IL1RAPL1: variants seen among roughly 807,000 people sequenced by gnomAD.
The protein encoded by IL1RAPL1 is interleukin-1 receptor accessory protein-like 1.
IL1RAPL1 carries 3 observed loss-of-function variants against 48.4 expected under a neutral mutation model. The ratio of observed to expected loss-of-function variants is 0.06; its 90% CI spans 0.03 to 0.16. The LOEUF (loss-of-function observed/expected upper bound fraction) is 0.16. Ranked by LOEUF, IL1RAPL1 falls within the 10% of genes least tolerant of loss-of-function variation. The pLI is 1.00. For synonymous variants in IL1RAPL1, 185 were observed against 187.7 expected, an observed-to-expected ratio of 0.99 and a Z score of 0.12; for missense variants, 349 against 530.6, an observed-to-expected ratio of 0.66 and a Z score of 3.36.
At chrX:29,686,683 G>A (rs913099280) in intron 6 of IL1RAPL1, among the ~76,000 whole-genome samples, 2 of 108,732 alleles carry the variant, frequency 1.8e-5, no homozygotes, top group African/African-American at 3.3e-5. Context: ...TCAGCCTCCC[G>A]AGTAGCTGGG....
Position 29,233,824 on chromosome X carries a change from A to G in IL1RAPL1, c.83-49114A>G, listed in dbSNP as rs368296509. 7.4e-4 allele frequency among the ~76,000 whole-genome samples: 83 copies of G among 112,713 alleles called. 1 individual carries two copies. The South Asian group carries it at 0.029, about 39-fold the overall frequency. On this transcript the variant is annotated intron_variant, in intron 2 of 10. Transcript: ENST00000378993. ...CTGACTTTATCAGGTGAAAGCCCCTAAACTAGGAACTGGGCTCTTCCTGAA... is the reference window on the plus strand; with the variant it reads ...CTGACTTTATCAGGTGAAAGCCCCTGAACTAGGAACTGGGCTCTTCCTGAA...
intron 9 of IL1RAPL1, among the ~76,000 whole-genome samples, chrX:29,954,232 T>TC (rs1254534606): frequency 4.4e-4 from 16 of 36,575 alleles, no homozygotes; most frequent in African/African-American, 5.8e-4. Context: ...CAAGACTGTG[T>TC]CCCAAAAAAA....
intron 3 of IL1RAPL1, among the ~76,000 whole-genome samples, chrX:29,321,557 T>C (rs1189965386): frequency 8.9e-6 from 1 of 112,158 alleles, no homozygotes; most frequent in African/African-American, 3.2e-5. Flanking sequence ...TATATGTGTG[T>C]GTGTATGTGT....
At chrX:29,306,266 C>T (rs938697249) in intron 3 of IL1RAPL1, among the ~76,000 whole-genome samples, 3 of 111,901 alleles carry the variant, frequency 2.7e-5, no homozygotes, top group Non-Finnish European at 5.6e-5. Flanking sequence ...CGCGGTGGCT[C>T]ACGCCTGTAA....
intron 5 of IL1RAPL1, among the ~76,000 whole-genome samples, chrX:29,487,674 G>A (rs1418176485): frequency 1.8e-5 from 2 of 112,178 alleles, no homozygotes; most frequent in African/African-American, 6.5e-5. Context: ...GCATGTTGTG[G>A]TTTAGCAACA....
At chrX:29,623,919 C>CCAA (rs1924541273) in intron 5 of IL1RAPL1, among the ~76,000 whole-genome samples, 1 of 111,702 alleles carries the variant, frequency 9.0e-6, no homozygotes, top group Non-Finnish European at 1.9e-5. Context: ...ACATCTTAGT[C>CCAA]CTTATGTAGC....
intron 4 of IL1RAPL1, 42 bp from the exon 5 acceptor site, chrX:29,399,113 C>T (rs775620689): frequency 1.9e-5 from 20 of 1,063,825 alleles, no homozygotes; most frequent in Non-Finnish European, 2.6e-5. Flanking sequence ...TATATTTTTC[C>T]ATTACTATAT....
At chrX:29,875,025 C>T (rs1265999521) in intron 6 of IL1RAPL1, among the ~76,000 whole-genome samples, 1 of 111,680 alleles carries the variant, frequency 9.0e-6, no homozygotes, top group African/African-American at 3.2e-5. Flanking sequence ...CAGTTACCAC[C>T]CCCACACATA....
At chrX:29,769,872 C>A (rs1301832075) in intron 6 of IL1RAPL1, among the ~76,000 whole-genome samples, 4 of 110,315 alleles carry the variant, frequency 3.6e-5, no homozygotes, top group Non-Finnish European at 5.7e-5. Flanking sequence ...GTCTTGGCCT[C>A]CCAAAGTGCT....
In IL1RAPL1 at chrX:29,019,382, C is replaced by T. The variant is rs182949134; in HGVS notation, c.82+229957C>T. On this transcript the variant is annotated intron_variant, in intron 2 of 10. Coordinates refer to ENST00000378993, the MANE Select transcript of IL1RAPL1 (RefSeq NM_014271.4). Reference sequence around the variant, plus strand: ...ATATTCAAAATTAATAAATGGTTCACTTTCAAAGGGCAAATTTTATGGTGT... The same window carrying T: ...ATATTCAAAATTAATAAATGGTTCATTTTCAAAGGGCAAATTTTATGGTGT... Among the ~76,000 whole-genome samples, 74 of 111,467 alleles carry T rather than the reference C, an allele frequency of 6.6e-4. No individual in the cohort carries two copies. In the Middle Eastern group the frequency reaches 0.014, roughly 21 times the overall value.
intron 8 of IL1RAPL1, among the ~76,000 whole-genome samples, chrX:29,936,102 C>A (rs1421357471): frequency 9.2e-6 from 1 of 109,183 alleles, no homozygotes; most frequent in Admixed American, 9.8e-5. Flanking sequence ...GTTTCCCCCA[C>A]CCCCCGCAAA....
intron 6 of IL1RAPL1, among the ~76,000 whole-genome samples, chrX:29,846,765 T>TATAC (rs1291831140): frequency 1.1e-5 from 1 of 90,014 alleles, no homozygotes; most frequent in Non-Finnish European, 2.1e-5. Context: ...TATATATATA[T>TATAC]ATACATATAT....
At position 29,630,479 on chromosome X, in the gene IL1RAPL1, C is replaced by T. The variant is rs373012778; in HGVS notation, c.704-37951C>T. ...TTAAGAATTGTCAATACAACTATTT[C>T]ACTACCAGTCTCTTATTAGAAATGA... On this transcript the variant is annotated intron_variant, in intron 5 of 10. Transcript: ENST00000378993. Among the ~76,000 whole-genome samples, 70 of 111,480 alleles carry T rather than the reference C, an allele frequency of 6.3e-4. 2 individuals carry two copies. Among genetic ancestry groups the T allele is most frequent in the East Asian group, 5.9e-3 (21 of 3,570 alleles).
In IL1RAPL1 at chrX:29,681,870, G is replaced by A. The variant is rs760918344; in HGVS notation, c.778+13366G>A. Among the ~76,000 whole-genome samples the A allele has an allele frequency of 2.2e-4, 24 of 108,757 alleles. 1 individual carries two copies. The South Asian group carries it at 9.8e-3, about 44-fold the overall frequency. 94.4% of individuals were successfully genotyped at this position (108,757 alleles called of 115,157 possible). A position where few individuals can be genotyped will look rare whatever the true frequency, so the allele number is the denominator to read the frequency against. On this transcript the variant is annotated intron_variant, in intron 6 of 10. Coordinates refer to ENST00000378993, the MANE Select transcript of IL1RAPL1 (RefSeq NM_014271.4). ...CCAAAAATTGAAGCAGAGTCAGTAT[G>A]TCAGACTCTAAGTTTGGCTTGGTAA...
At position 28,724,892 on chromosome X, in the gene IL1RAPL1, A is replaced by G. The variant is rs1342220033; in HGVS notation, c.-24-64428A>G. Among the ~76,000 whole-genome samples the G allele has an allele frequency of 3.7e-5, 4 of 108,820 alleles. No homozygotes were observed. In the East Asian group the frequency reaches 1.1e-3, roughly 31 times the overall value. The allele number at this position is 108,820 out of a possible 115,157, so 94.5% of individuals were successfully genotyped here. On this transcript the variant is annotated intron_variant, in intron 1 of 10. Transcript: ENST00000378993. Reference sequence around the variant, plus strand: ...TATTCTATACAAAGCCTTCTAGCATATCTTTCTGACTTTCTGTAAATGGAA... The same window carrying G: ...TATTCTATACAAAGCCTTCTAGCATGTCTTTCTGACTTTCTGTAAATGGAA...
At chrX:28,588,541 GC>G (rs762935710) in intron 1 of IL1RAPL1, among the ~76,000 whole-genome samples, 16 of 112,144 alleles carry the variant, frequency 1.4e-4, no homozygotes, top group Non-Finnish European at 2.6e-4. Flanking sequence ...GCATTTCACA[GC>G]CGCAATGGGA....
At chrX:29,217,775 T>A (rs35389255) in intron 2 of IL1RAPL1, among the ~76,000 whole-genome samples, 4,955 of 68,279 alleles carry the variant, frequency 0.073, 154 homozygotes, top group Non-Finnish European at 0.084. Context: ...TCTCTCTCTC[T>A]CTCACACACA....
intron 5 of IL1RAPL1, among the ~76,000 whole-genome samples, chrX:29,597,400 G>C (rs1179460125): frequency 9.0e-6 from 1 of 111,202 alleles, no homozygotes; most frequent in Non-Finnish European, 1.9e-5. Flanking sequence ...TGATCCACCC[G>C]CCTCGGCCTC....
chrX:29,129,676 G>T (rs1341484419), intron 2 of IL1RAPL1, among the ~76,000 whole-genome samples: 23 of 90,757 alleles, frequency 2.5e-4, no homozygotes, highest in African/African-American at 1.0e-3. Context: ...CTCACTGCAA[G>T]CTCCACCTCC....
Sources: gnomAD v4.1 joint callset for allele counts (sites outside exome capture counted in the v4.1 genomes callset) on GRCh38, gnomAD v4.1.1 for gene constraint, MANE v1.5 for transcripts, NCBI Gene and HGNC (gene_info 2026-07-23, HGNC 2026-07-21) for gene names.